The following GABRB1 variants were observed in gnomAD, a reference collection of about 807,000 sequenced individuals.
The protein encoded by GABRB1 is gamma-aminobutyric acid receptor subunit beta-1.
A neutral mutation model predicts 51.6 loss-of-function variants in GABRB1; 17 were observed. That is an observed-to-expected ratio of 0.33 (90% CI 0.23 to 0.49). The LOEUF is 0.49. GABRB1 is among the 20% of genes least tolerant of loss of function. GABRB1 has a pLI of 0.99. For missense variants in GABRB1, 410 were observed against 600.6 expected, an observed-to-expected ratio of 0.68 and a Z score of 3.32; for synonymous variants, 247 against 218.9, an observed-to-expected ratio of 1.13 and a Z score of -1.14.
chr4:47,260,817 C>T (rs527312549), intron 4 of GABRB1, among the ~76,000 whole-genome samples: 10 of 152,048 alleles, frequency 6.6e-5, no homozygotes, highest in South Asian at 2.1e-4. Flanking sequence ...ACTGGCAAAC[C>T]GAATCCAGCA....
At chr4:47,333,970 A>G (rs1233569244) in intron 5 of GABRB1, among the ~76,000 whole-genome samples, 1 of 152,174 alleles carries the variant, frequency 6.6e-6, no homozygotes, top group Non-Finnish European at 1.5e-5. Context: ...CCTACAATGT[A>G]GACAAAAAAA....
intron 4 of GABRB1, among the ~76,000 whole-genome samples, chr4:47,297,367 C>A (rs1253334528): frequency 5.6e-5 from 6 of 106,912 alleles, no homozygotes; most frequent in African/African-American, 1.1e-4. Flanking sequence ...GCTAGCAAGA[C>A]TAATAAAGAA....
chr4:47,040,306 A>C (rs1725784488), intron 3 of GABRB1, among the ~76,000 whole-genome samples: 1 of 152,186 alleles, frequency 6.6e-6, no homozygotes, highest in Non-Finnish European at 1.5e-5. Flanking sequence ...GAAGGCTAAA[A>C]CTGAGGACAG....
At chr4:46,999,802 A>G (rs1724124133) in intron 1 of GABRB1, among the ~76,000 whole-genome samples, 1 of 152,230 alleles carries the variant, frequency 6.6e-6, no homozygotes, top group Non-Finnish European at 1.5e-5. Flanking sequence ...CAGAGAACAG[A>G]CATGCTGACA....
Position 47,031,714 on chromosome 4 carries a change from G to C in GABRB1, c.63G>C (p.Met21Ile), listed in dbSNP as rs1443881159. 6.2e-7 allele frequency: 1 copy of C among 1,613,298 alleles called. No homozygotes were observed. Among genetic ancestry groups the C allele is most frequent in the Admixed American group, 1.7e-5 (1 of 59,992 alleles). Residue 21 changes from methionine to isoleucine, a missense_variant, in exon 1 of 9, where the codon ATG (methionine) becomes ATC (isoleucine). Met to Ile is a conservative substitution (Grantham distance 10, BLOSUM62 1). Transcript: ENST00000295454. ...TCTCTTTCCCTGTGATGATTACCAT[G>C]GTCTGTTGTGCACACAGGTGAGCTG... ...GLLSFPVMITMVCCAHSTNEP... is the reference protein window; with the variant it reads ...GLLSFPVMITIVCCAHSTNEP...
At chr4:47,216,674 A>C (rs1412809544) in intron 4 of GABRB1, among the ~76,000 whole-genome samples, 2 of 151,912 alleles carry the variant, frequency 1.3e-5, no homozygotes, top group Non-Finnish European at 2.9e-5. Flanking sequence ...CTTTGCTAGT[A>C]ATGGGGGAGC....
chr4:47,113,872 T>C (rs1715349161), intron 3 of GABRB1, among the ~76,000 whole-genome samples: 1 of 152,248 alleles, frequency 6.6e-6, no homozygotes, highest in Admixed American at 6.5e-5. Context: ...TGCAGTTCTG[T>C]TGTTAAATAA....
intron 4 of GABRB1, among the ~76,000 whole-genome samples, chr4:47,248,937 T>A (rs1481785194): frequency 2.0e-5 from 3 of 152,106 alleles, no homozygotes; most frequent in Non-Finnish European, 4.4e-5. Flanking sequence ...ATCAATTTTA[T>A]TTCTATTTTG....
chr4:47,211,447 A>T (rs548404447), intron 4 of GABRB1, among the ~76,000 whole-genome samples: 66 of 152,312 alleles, frequency 4.3e-4, no homozygotes, highest in African/African-American at 1.4e-3. Context: ...AAACTCATAG[A>T]TGTTTCTGTC....
At chr4:47,113,132 T>TC (rs927506580) in intron 3 of GABRB1, among the ~76,000 whole-genome samples, 30 of 152,088 alleles carry the variant, frequency 2.0e-4, no homozygotes, top group African/African-American at 7.0e-4. Flanking sequence ...GCGCCTGTAA[T>TC]CCCAGCACTT....
chr4:47,169,792 G>A (rs939186024), intron 4 of GABRB1, among the ~76,000 whole-genome samples: 1 of 152,080 alleles, frequency 6.6e-6, no homozygotes. Context: ...ATGAGCCACC[G>A]TGCCCGGCCT....
chr4:47,246,330 A>T (rs1374306051), intron 4 of GABRB1, among the ~76,000 whole-genome samples: 6 of 65,214 alleles, frequency 9.2e-5, no homozygotes, highest in African/African-American at 2.6e-4. Flanking sequence ...ACACACACAC[A>T]TATGTACATA....
intron 4 of GABRB1, among the ~76,000 whole-genome samples, chr4:47,198,579 T>C (rs1367577638): frequency 6.6e-6 from 1 of 152,118 alleles, no homozygotes; most frequent in Non-Finnish European, 1.5e-5. Flanking sequence ...AGTGCTAGTG[T>C]GAGGGCCCAG....
At chr4:47,378,023 A>G (rs1727450627) in intron 5 of GABRB1, among the ~76,000 whole-genome samples, 1 of 152,228 alleles carries the variant, frequency 6.6e-6, no homozygotes, top group South Asian at 2.1e-4. Flanking sequence ...GCTGCCTGCC[A>G]GTCCGGCACC....
intron 5 of GABRB1, among the ~76,000 whole-genome samples, chr4:47,349,826 C>T (rs1726243124): frequency 6.6e-6 from 1 of 152,168 alleles, no homozygotes. Context: ...GATTTTGATT[C>T]CCAGCTCTGA....
intron 4 of GABRB1, among the ~76,000 whole-genome samples, chr4:47,272,810 A>T (rs1433743830): frequency 2.6e-5 from 4 of 152,160 alleles, no homozygotes; most frequent in Admixed American, 2.6e-4. Context: ...TTTTGCTGTT[A>T]TAAATAGTGC....
At chr4:47,357,222 T>A (rs981611995) in intron 5 of GABRB1, among the ~76,000 whole-genome samples, 10 of 152,126 alleles carry the variant, frequency 6.6e-5, no homozygotes, top group African/African-American at 2.4e-4. Flanking sequence ...ATTCAACACA[T>A]ACAAAAAAGT....
At chr4:47,358,389 G>A (rs1726666539) in intron 5 of GABRB1, among the ~76,000 whole-genome samples, 1 of 149,622 alleles carries the variant, frequency 6.7e-6, no homozygotes, top group African/African-American at 2.4e-5. Flanking sequence ...GTGTATATAT[G>A]TATATATATA....
At chr4:47,205,488 T>G (rs1283569090) in intron 4 of GABRB1, among the ~76,000 whole-genome samples, 2 of 152,140 alleles carry the variant, frequency 1.3e-5, no homozygotes, top group Non-Finnish European at 2.9e-5. Flanking sequence ...AGCAAACACT[T>G]GAATATATTT....
Sources: gnomAD v4.1 joint callset for allele counts (sites outside exome capture counted in the v4.1 genomes callset) on GRCh38, gnomAD v4.1.1 for gene constraint, MANE v1.5 for transcripts, NCBI Gene and HGNC (gene_info 2026-07-23, HGNC 2026-07-21) for gene names.